The following RYR2 variants were observed in gnomAD, a reference collection of about 807,000 sequenced individuals.
The protein encoded by RYR2 is ryanodine receptor 2.
Under a neutral mutation model 601.1 loss-of-function variants are expected in RYR2, and 227 were observed. That is an observed-to-expected ratio of 0.38 (90% CI 0.34 to 0.42). The LOEUF is 0.42. Among genes scored for constraint, RYR2 ranks in the 10% least tolerant of loss-of-function variants. The probability of loss-of-function intolerance (pLI) is 1.00; values close to 1 mark genes in which losing one functional copy is unlikely to be tolerated. For missense variants in RYR2, 4,646 were observed against 6,156.5 expected, an observed-to-expected ratio of 0.75 and a Z score of 8.21; for synonymous variants, 2,223 against 2,175.1, an observed-to-expected ratio of 1.02 and a Z score of -0.61.
At position 237,742,369 on chromosome 1, in the gene RYR2, A is replaced by G. The variant is rs1456472836; in HGVS notation, c.11145+20A>G. 2 of 1,526,408 alleles carry G rather than the reference A, an allele frequency of 1.3e-6. No individual in the cohort carries two copies. Among genetic ancestry groups the G allele is most frequent in the African/African-American group, 2.8e-5 (2 of 72,712 alleles). 94.6% of individuals were successfully genotyped at this position (1,526,408 alleles called of 1,614,324 possible). A position where few individuals can be genotyped will look rare whatever the true frequency, so the allele number is the denominator to read the frequency against. ...TTTGAAGTAAGATGGATCTTTCTGGATTTGCCTTTCTTTCTATCTTGAAAC... is the reference window on the plus strand; with the variant it reads ...TTTGAAGTAAGATGGATCTTTCTGGGTTTGCCTTTCTTTCTATCTTGAAAC... On this transcript the variant is annotated intron_variant, in intron 80 of 104. Coordinates refer to ENST00000366574, the MANE Select transcript of RYR2 (RefSeq NM_001035.3).
intron 25 of RYR2, among the ~76,000 whole-genome samples, chr1:237,535,399 G>A (rs1373754235): frequency 6.6e-6 from 1 of 151,586 alleles, no homozygotes; most frequent in African/African-American, 2.4e-5. Flanking sequence ...ATGGACAATT[G>A]TATAGAATAA....
At chr1:237,569,091 G>C in intron 28 of RYR2, 54 bp from the exon 29 acceptor site, 1 of 1,538,836 alleles carries the variant, frequency 6.5e-7, no homozygotes, top group Non-Finnish European at 8.8e-7. Context: ...TGGTGGGTGG[G>C]TGCGATTTTC....
rs1184602691 is a variant in RYR2, at chr1:237,162,056, A to T, written c.49-108441A>T. On this transcript the variant is annotated intron_variant, in intron 1 of 104. Transcript: ENST00000366574. ...TATTTACACTTAAATGAATTAAAAC[A>T]AAATAATATTCTTCTGCTTCCTGTG... Among the ~76,000 whole-genome samples, 3 of 152,182 alleles carry T rather than the reference A, an allele frequency of 2.0e-5. No individual in the cohort carries two copies. In the East Asian group the frequency reaches 5.8e-4, roughly 29 times the overall value.
intron 3 of RYR2, among the ~76,000 whole-genome samples, chr1:237,340,791 C>T: frequency 6.6e-6 from 1 of 152,114 alleles, no homozygotes; most frequent in Non-Finnish European, 1.5e-5. Context: ...ATTTACCTAC[C>T]TGTCATCTGC....
At chr1:237,650,951 T>C (rs11805641) in intron 50 of RYR2, among the ~76,000 whole-genome samples, 1 of 152,174 alleles carries the variant, frequency 6.6e-6, no homozygotes, top group Admixed American at 6.5e-5. Flanking sequence ...ACACAGTAGA[T>C]GTTCACTGTG....
At chr1:237,757,511 G>A (rs954860503) in intron 81 of RYR2, among the ~76,000 whole-genome samples, 186 bp from the exon 82 acceptor site, 11 of 152,244 alleles carry the variant, frequency 7.2e-5, no homozygotes, top group African/African-American at 2.2e-4. Context: ...TATTAAAAAT[G>A]TTGATGCCAA....
rs150173834 is a variant in RYR2 at position 237,407,152 on chromosome 1, C to T, written c.774-9897C>T. 2.8e-3 allele frequency among the ~76,000 whole-genome samples: 424 copies of T among 152,296 alleles called. 3 individuals are homozygous for T. Among genetic ancestry groups the T allele is most frequent in the African/African-American group, 9.2e-3 (383 of 41,576 alleles). On this transcript the variant is annotated intron_variant, in intron 10 of 104. Transcript: ENST00000366574. ...CATATATGGCCCCTCTATATCTTTTCATGACTTGATAGCTGATTTCTTTAC... is the reference window on the plus strand; with the variant it reads ...CATATATGGCCCCTCTATATCTTTTTATGACTTGATAGCTGATTTCTTTAC...
At chr1:237,605,529 C>G (rs1677023425) in intron 35 of RYR2, among the ~76,000 whole-genome samples, 1 of 152,136 alleles carries the variant, frequency 6.6e-6, no homozygotes, top group South Asian at 2.1e-4. Context: ...CCTTCTCTCC[C>G]CACTCCTATT....
Position 237,496,805 on chromosome 1 carries a change from A to C in RYR2, c.2203+53A>C, listed in dbSNP as rs1454135783. On this transcript the variant is annotated intron_variant, in intron 20 of 104. Coordinates refer to ENST00000366574, the MANE Select transcript of RYR2 (RefSeq NM_001035.3). The stretch of plus-strand genomic sequence containing the variant: ...TGTTCCAGAAGATCTTTTGCTGGGC[A>C]TTTCTGAAAGCTATTGGTGCTGCTT... 4.5e-6 allele frequency: 7 copies of C among 1,568,080 alleles called. No homozygotes were observed. In the East Asian group the frequency reaches 1.6e-4, roughly 35 times the overall value.
At chr1:237,231,751 G>A (rs1485512907) in intron 1 of RYR2, among the ~76,000 whole-genome samples, 1 of 152,122 alleles carries the variant, frequency 6.6e-6, no homozygotes, top group East Asian at 1.9e-4. Flanking sequence ...GGGGGCTTAA[G>A]TTTATAACAC....
At chr1:237,407,977 T>C (rs1468533677) in intron 10 of RYR2, among the ~76,000 whole-genome samples, 3 of 152,122 alleles carry the variant, frequency 2.0e-5, no homozygotes, top group Non-Finnish European at 4.4e-5. Flanking sequence ...TTCCCAGATA[T>C]GCGATTGCAA....
chr1:237,270,512 C>T lies in RYR2; in HGVS notation c.64C>T (p.Leu22=). 2 of 1,584,940 alleles carry T rather than the reference C, an allele frequency of 1.3e-6. No individual in the cohort carries two copies. The highest frequency in any genetic ancestry group is 1.7e-6 in the Non-Finnish European group (2 of 1,164,864). ...QFLRTDDEVV[L]QCTATIHKEQ... ...CCCTTTGCAGGATGATGAAGTGGTT[C>T]TGCAGTGCACCGCAACCATCCACAA... The change falls in exon 2 of 105, where the codon CTG becomes TTG. Residue 22 remains leucine, a synonymous_variant. Coordinates refer to ENST00000366574, the MANE Select transcript of RYR2 (RefSeq NM_001035.3).
intron 48 of RYR2, among the ~76,000 whole-genome samples, chr1:237,645,479 C>T (rs3766877): frequency 0.14 from 21,643 of 152,096 alleles, 1,865 homozygotes; most frequent in African/African-American, 0.25. Flanking sequence ...AAAATAGACA[C>T]TATCAGGACA....
At chr1:237,594,897 T>TTG (rs1675667248) in intron 33 of RYR2, among the ~76,000 whole-genome samples, 2 of 21,192 alleles carry the variant, frequency 9.4e-5, no homozygotes, top group Non-Finnish European at 2.7e-4. Context: ...TTTTTTTTTT[T>TTG]TTTTTTTTTT....
At chr1:237,787,944 T>C in intron 91 of RYR2, 44 bp from the exon 92 acceptor site, 3 of 1,549,040 alleles carry the variant, frequency 1.9e-6, no homozygotes, top group Non-Finnish European at 2.6e-6. Context: ...CGTTTAGTTC[T>C]TTAGTTTCTG....
intron 88 of RYR2, among the ~76,000 whole-genome samples, chr1:237,779,483 G>A (rs1201461387): frequency 6.6e-6 from 1 of 152,168 alleles, no homozygotes; most frequent in African/African-American, 2.4e-5. Context: ...CAGGCGGTCA[G>A]GTAGAAGAAT....
chr1:237,432,700 G>A (rs1052364426), intron 12 of RYR2, among the ~76,000 whole-genome samples: 1 of 152,070 alleles, frequency 6.6e-6, no homozygotes, highest in Non-Finnish European at 1.5e-5. Flanking sequence ...CAAGACTATA[G>A]TCTGGAGCTG....
intron 101 of RYR2, among the ~76,000 whole-genome samples, chr1:237,821,668 A>G (rs1365433394): frequency 2.0e-5 from 3 of 152,048 alleles, no homozygotes; most frequent in Non-Finnish European, 4.4e-5. Flanking sequence ...CTGGACGGAA[A>G]ATGAGTTTGA....
At position 237,567,576 on chromosome 1, in the gene RYR2, T is replaced by C. The variant is rs1158965659; in HGVS notation, c.3423+801T>C. Among the ~76,000 whole-genome samples the C allele has an allele frequency of 2.6e-5, 4 of 152,038 alleles. No individual in the cohort carries two copies. The East Asian group carries it at 7.7e-4, about 29-fold the overall frequency. On this transcript the variant is annotated intron_variant, in intron 28 of 104. Transcript: ENST00000366574. ...CTGCACTCCAGCCTGGGCAACAGAGTGAGACCTTGTCTCAAAACAAACAAA... is the reference window on the plus strand; with the variant it reads ...CTGCACTCCAGCCTGGGCAACAGAGCGAGACCTTGTCTCAAAACAAACAAA...
Sources: allele counts gnomAD v4.1 joint callset (sites outside exome capture counted in the v4.1 genomes callset), GRCh38; gene constraint gnomAD v4.1.1; transcripts MANE v1.5; gene names NCBI Gene and HGNC (gene_info 2026-07-23, HGNC 2026-07-21).